The following LYST variants were observed in gnomAD, a reference collection of about 807,000 sequenced individuals.
The protein encoded by LYST is lysosomal-trafficking regulator.
A neutral mutation model predicts 413.6 loss-of-function variants in LYST; 192 were observed. That is an observed-to-expected ratio of 0.46 (90% CI 0.41 to 0.52). The LOEUF (loss-of-function observed/expected upper bound fraction) is 0.52. Ranked by LOEUF, LYST falls within the 20% of genes least tolerant of loss-of-function variation. The pLI is 0.00. For missense variants in LYST, 3,815 were observed against 4,499.9 expected, an observed-to-expected ratio of 0.85 and a Z score of 4.35; for synonymous variants, 1,525 against 1,567.3, an observed-to-expected ratio of 0.97 and a Z score of 0.64.
At chr1:235,832,242 T>C (rs979206720) in intron 2 of LYST, among the ~76,000 whole-genome samples, 3 of 152,234 alleles carry the variant, frequency 2.0e-5, no homozygotes, top group Non-Finnish European at 2.9e-5. Flanking sequence ...TATGATCAAG[T>C]GCACTCATGT....
intron 36 of LYST, among the ~76,000 whole-genome samples, chr1:235,730,475 GT>G (rs1664270332): frequency 6.6e-6 from 1 of 151,286 alleles, no homozygotes; most frequent in Non-Finnish European, 1.5e-5. Context: ...AGATAGAGAT[GT>G]TAAACAGTCA....
chr1:235,859,624 G>A (rs1047127702), intron 1 of LYST, among the ~76,000 whole-genome samples: 10 of 151,438 alleles, frequency 6.6e-5, no homozygotes, highest in African/African-American at 2.2e-4. Context: ...TCCTCCACCC[G>A]TATTTTTTAA....
At chr1:235,812,032 C>T (rs1205761613) in intron 4 of LYST, among the ~76,000 whole-genome samples, 1 of 151,874 alleles carries the variant, frequency 6.6e-6, no homozygotes, top group African/African-American at 2.4e-5. Context: ...GAGAGATCTT[C>T]AAACATCTCA....
chr1:235,663,667 C>T (rs1029812395), intron 52 of LYST, among the ~76,000 whole-genome samples: 1 of 152,144 alleles, frequency 6.6e-6, no homozygotes, highest in Non-Finnish European at 1.5e-5. Context: ...TCAAGCACCC[C>T]TGCAGCTATC....
chr1:235,811,426 T>G (rs183849355), intron 4 of LYST, among the ~76,000 whole-genome samples: 211 of 152,344 alleles, frequency 1.4e-3, no homozygotes, highest in Middle Eastern at 6.8e-3. Context: ...AAATGTTCTC[T>G]AAAACTGAGG....
Position 235,686,914 on chromosome 1 carries a change from G to A in LYST, c.10800+35C>T. On this transcript the variant is annotated intron_variant, in intron 48 of 52. Transcript: ENST00000389793. This position sits in a 1 kb window ranked among gnomAD's most constrained non-coding sequence, Gnocchi z 4.0. ...AGGCTTTCTTCCCCTCATTGACAAA[G>A]TCCCATACTACCCACACAGAAGCCC... The A allele has an allele frequency of 6.8e-7, 1 of 1,476,776 alleles. No homozygotes were observed. The highest frequency in any genetic ancestry group is 9.5e-7 in the Non-Finnish European group (1 of 1,054,778). The allele number at this position is 1,476,776 out of a possible 1,614,324, so 91.5% of individuals were successfully genotyped here.
intron 4 of LYST, 136 bp downstream of exon 4, chr1:235,812,835 T>TTTTCATATTTAGTATGAAATAGTA (rs1257487304): frequency 1.5e-6 from 1 of 685,994 alleles, no homozygotes; most frequent in Non-Finnish European, 2.7e-6. Context: ...CCTAAATAAT[T>TTTTCATATTTAGTATGAAATAGTA]TTTCATATTT....
chr1:235,681,603 G>C (rs1432108448), intron 48 of LYST, among the ~76,000 whole-genome samples: 1 of 152,144 alleles, frequency 6.6e-6, no homozygotes, highest in East Asian at 1.9e-4. Context: ...AAAGGAATGA[G>C]CTGGGGCAAT....
intron 10 of LYST, among the ~76,000 whole-genome samples, chr1:235,797,839 T>TACA (rs989815360): frequency 1.3e-5 from 2 of 152,100 alleles, no homozygotes; most frequent in Non-Finnish European, 2.9e-5. Flanking sequence ...AAACACAACC[T>TACA]ACAGAATGGG....
intron 39 of LYST, 38 bp downstream of exon 39, chr1:235,723,990 C>T (rs1205399080): frequency 6.3e-7 from 1 of 1,576,318 alleles, no homozygotes; most frequent in Non-Finnish European, 8.7e-7. Flanking sequence ...CCCATGAGCA[C>T]TTAAACAATA....
intron 10 of LYST, among the ~76,000 whole-genome samples, chr1:235,798,710 T>C (rs1302128753): frequency 1.3e-5 from 2 of 150,952 alleles, no homozygotes; most frequent in African/African-American, 4.9e-5. Context: ...TGAATGAAGG[T>C]TGAAAGCATC....
At chr1:235,826,207 C>G (rs1675316524) in intron 3 of LYST, among the ~76,000 whole-genome samples, 1 of 152,192 alleles carries the variant, frequency 6.6e-6, no homozygotes, top group African/African-American at 2.4e-5. Context: ...AGTACAACTA[C>G]TTTGCAAAAC....
At chr1:235,673,991 C>T (rs4439350) in intron 50 of LYST, among the ~76,000 whole-genome samples, 152,240 of 152,256 alleles carry the variant, frequency 1, 76,112 homozygotes, top group Middle Eastern at 1. Context: ...GATGGTCCTC[C>T]GACCCACAGA....
chr1:235,868,737 C>T (rs2103221453), upstream of LYST, among the ~76,000 whole-genome samples: 2 of 152,124 alleles, frequency 1.3e-5, no homozygotes, highest in Middle Eastern at 3.4e-3. Flanking sequence ...ACTCTTTTTC[C>T]CTGACTGGAG....
At chr1:235,853,749 G>C (rs548409845) in intron 1 of LYST, among the ~76,000 whole-genome samples, 1 of 152,166 alleles carries the variant, frequency 6.6e-6, no homozygotes, top group East Asian at 1.9e-4. Flanking sequence ...GAACAAAGCT[G>C]GCCAGGAAAT....
intron 46 of LYST, among the ~76,000 whole-genome samples, chr1:235,695,609 A>T (rs1242870752): frequency 6.6e-6 from 1 of 150,788 alleles, no homozygotes; most frequent in African/African-American, 2.4e-5. Context: ...CTCAACAGAG[A>T]GAAACTTTAC....
At chr1:235,776,139 TA>T (rs1415550993) in intron 17 of LYST, among the ~76,000 whole-genome samples, 1 of 152,026 alleles carries the variant, frequency 6.6e-6, no homozygotes, top group Non-Finnish European at 1.5e-5. Flanking sequence ...GGTGAGGAGT[TA>T]AAGGGCTTTT....
chr1:235,858,854 G>C (rs771279036), intron 1 of LYST, among the ~76,000 whole-genome samples: 29 of 152,056 alleles, frequency 1.9e-4, no homozygotes, highest in Non-Finnish European at 2.9e-4. Context: ...GCATTGTTAT[G>C]GGGGGCAGGG....
At chr1:235,828,267 G>T in intron 3 of LYST, 1 of 448,496 alleles carries the variant, frequency 2.2e-6, no homozygotes, top group Non-Finnish European at 2.9e-6. Context: ...TAGGGGTAGG[G>T]GAATGGAAGG....
Sources: allele counts gnomAD v4.1 joint callset (sites outside exome capture counted in the v4.1 genomes callset), GRCh38; gene constraint gnomAD v4.1.1; non-coding constraint Gnocchi (gnomAD v3.1); transcripts MANE v1.5; gene names NCBI Gene and HGNC (gene_info 2026-07-23, HGNC 2026-07-21).